Variants in JAKMIP1 observed in about 807,000 individuals in gnomAD.
JAKMIP1 encodes janus kinase and microtubule interacting protein 1.
A neutral mutation model predicts 113.0 loss-of-function variants in JAKMIP1; 33 were observed. The observed-to-expected ratio is 0.29, with a 90% confidence interval of 0.22 to 0.39. The LOEUF (loss-of-function observed/expected upper bound fraction) is 0.39, where lower values mean the gene tolerates loss of function less well. Ranked by LOEUF, JAKMIP1 falls within the 10% of genes least tolerant of loss-of-function variation. JAKMIP1 has a pLI of 1.00. For missense variants in JAKMIP1, 813 were observed against 1,080.5 expected, an observed-to-expected ratio of 0.75 and a Z score of 3.47; for synonymous variants, 480 against 459.9, an observed-to-expected ratio of 1.04 and a Z score of -0.56.
At position 6,193,296 on chromosome 4, in the gene JAKMIP1, C is replaced by T. The variant is rs1019775258; in HGVS notation, c.-148+6957G>A. Reference sequence around the variant, plus strand: ...TGAGGTTTTGGGATTCAGACTGATCCGCCACTGGTTTCTTTGCTCCTCAAC... The same window carrying T: ...TGAGGTTTTGGGATTCAGACTGATCTGCCACTGGTTTCTTTGCTCCTCAAC... On this transcript the variant is annotated intron_variant, in intron 1 of 20. Transcript: ENST00000409021. The surrounding 1 kb of genome is among the most constrained non-coding windows in gnomAD (Gnocchi z 6.4). Among the ~76,000 whole-genome samples the T allele has an allele frequency of 6.6e-6, 1 of 152,150 alleles. No homozygotes were observed. The highest frequency in any genetic ancestry group is 1.5e-5 in the Non-Finnish European group (1 of 68,046).
intron 9 of JAKMIP1, among the ~76,000 whole-genome samples, chr4:6,063,046 G>C (rs1443467139): frequency 6.6e-6 from 1 of 152,284 alleles, no homozygotes; most frequent in East Asian, 1.9e-4. Context: ...GGAGGCTGAG[G>C]CAGGAGAATT....
chr4:6,105,650 C>A lies in JAKMIP1; in HGVS notation c.447G>T (p.Leu149=), dbSNP rs1713797715. ...GCTCCAGGATCTCCTGCTGCAGCCGCAGGCGCTCTCCATCGAAGGCCCTGC... is the reference window on the plus strand; with the variant it reads ...GCTCCAGGATCTCCTGCTGCAGCCGAAGGCGCTCTCCATCGAAGGCCCTGC... The part of the protein sequence containing the change: ...EARRAFDGER[L]RLQQEILELK... Residue 149 remains leucine, a synonymous_variant, in exon 3 of 21, where the codon CTG becomes CTT. Transcript: ENST00000409021. 1 of 1,598,482 alleles carries A rather than the reference C, an allele frequency of 6.3e-7. No individual in the cohort carries two copies. Among genetic ancestry groups the A allele is most frequent in the African/African-American group, 1.3e-5 (1 of 74,836 alleles).
rs1722399316 is a variant in JAKMIP1, at chr4:6,157,511, T to G, written c.-148+42742A>C. Among the ~76,000 whole-genome samples, 1 of 152,222 alleles carries G rather than the reference T, an allele frequency of 6.6e-6. No homozygotes were observed. Among genetic ancestry groups the G allele is most frequent in the Non-Finnish European group, 1.5e-5 (1 of 68,050 alleles). ...TCAAATCAAACTTCAGCGTACACTT[T>G]CCGTAACACCTTTTTTGACTAAGAA... On this transcript the variant is annotated intron_variant, in intron 1 of 20. Coordinates refer to ENST00000409021, the MANE Select transcript of JAKMIP1 (RefSeq NM_001099433.2). This position sits in a 1 kb window ranked among gnomAD's most constrained non-coding sequence, Gnocchi z 4.7.
At chr4:6,114,796 G>T (rs368444601) in intron 1 of JAKMIP1, among the ~76,000 whole-genome samples, 18 of 152,252 alleles carry the variant, frequency 1.2e-4, no homozygotes, top group African/African-American at 3.6e-4. Context: ...CTGACCTGCC[G>T]CTTTTATAAC....
chr4:6,047,460 C>T (rs553498921), intron 16 of JAKMIP1, among the ~76,000 whole-genome samples: 1 of 152,218 alleles, frequency 6.6e-6, no homozygotes, highest in Non-Finnish European at 1.5e-5. Context: ...CCCGTGCCTG[C>T]ACCTGCACCT....
chr4:6,102,968 C>T (rs180922908), intron 3 of JAKMIP1, among the ~76,000 whole-genome samples: 103 of 151,840 alleles, frequency 6.8e-4, no homozygotes, highest in Non-Finnish European at 1.3e-3. Context: ...CTCCTAAACT[C>T]GTGATCTGCC....
chr4:6,032,090 G>T (rs552275249), intron 19 of JAKMIP1, among the ~76,000 whole-genome samples: 32 of 152,138 alleles, frequency 2.1e-4, no homozygotes, highest in Non-Finnish European at 4.6e-4. Context: ...CCCAAATGTA[G>T]CAGCTGTTGG....
At chr4:6,030,507 C>T (rs901685485) in intron 19 of JAKMIP1, among the ~76,000 whole-genome samples, 6 of 152,120 alleles carry the variant, frequency 3.9e-5, no homozygotes, top group African/African-American at 1.4e-4. Flanking sequence ...TCCCACACAG[C>T]GTCTCCACCG....
intron 1 of JAKMIP1, among the ~76,000 whole-genome samples, chr4:6,113,926 G>A (rs192280082): frequency 1.0e-4 from 15 of 149,312 alleles, no homozygotes; most frequent in Middle Eastern, 3.5e-3. Context: ...CGCCAGGTGC[G>A]TGAATGAATG....
chr4:6,043,468 C>G (rs1714606363), intron 16 of JAKMIP1, among the ~76,000 whole-genome samples: 1 of 152,030 alleles, frequency 6.6e-6, no homozygotes, highest in South Asian at 2.1e-4. Context: ...CCTCCCTACC[C>G]TCTCTGAAAT....
At position 6,065,412 on chromosome 4, in the gene JAKMIP1, C is replaced by T. The variant is rs1029151965; in HGVS notation, c.1303-404G>A. On this transcript the variant is annotated intron_variant, in intron 8 of 20. Coordinates refer to ENST00000409021, the MANE Select transcript of JAKMIP1 (RefSeq NM_001099433.2). This position sits in a 1 kb window ranked among gnomAD's most constrained non-coding sequence, Gnocchi z 5.1. ...GCACTCCGTCACGCTCCATGAGCAG[C>T]GCACTGGCTGTACCAAGGAGAAGGG... Among the ~76,000 whole-genome samples the T allele has an allele frequency of 9.2e-5, 14 of 152,208 alleles. No homozygotes were observed. The highest frequency in any genetic ancestry group is 2.1e-4 in the South Asian group (1 of 4,832).
chr4:6,159,473 A>G (rs1270542830), intron 1 of JAKMIP1, among the ~76,000 whole-genome samples: 1 of 152,022 alleles, frequency 6.6e-6, no homozygotes, highest in Non-Finnish European at 1.5e-5. Flanking sequence ...TAATAGATTA[A>G]GAGGTTTCAG....
rs1722295013 is a variant in JAKMIP1, at chr4:6,093,013, T to A, written c.625-7384A>T. Among the ~76,000 whole-genome samples, 2 of 152,250 alleles carry A rather than the reference T, an allele frequency of 1.3e-5. No homozygotes were observed. Among genetic ancestry groups the A allele is most frequent in the South Asian group, 4.1e-4 (2 of 4,836 alleles). ...TTGTATTTTACTGGGAATCCAAGTA[T>A]CACATATCATCATGGCTATTTTAGA... On this transcript the variant is annotated intron_variant, in intron 3 of 20. Transcript: ENST00000409021. The surrounding 1 kb of genome is among the most constrained non-coding windows in gnomAD (Gnocchi z 4.6).
chr4:6,088,085 G>A lies in JAKMIP1; in HGVS notation c.625-2456C>T, dbSNP rs896414619. Reference sequence around the variant, plus strand: ...GAGTTTATTCATTTAATTCACTCAAGCACGCTTTCATTAACTCAACACATG... The same window carrying A: ...GAGTTTATTCATTTAATTCACTCAAACACGCTTTCATTAACTCAACACATG... On this transcript the variant is annotated intron_variant, in intron 3 of 20. Transcript: ENST00000409021. This position sits in a 1 kb window ranked among gnomAD's most constrained non-coding sequence, Gnocchi z 5.5. 1.3e-5 allele frequency among the ~76,000 whole-genome samples: 2 copies of A among 152,188 alleles called. No homozygotes were observed. The highest frequency in any genetic ancestry group is 2.4e-5 in the African/African-American group (1 of 41,448).
rs1726281337 is a variant in JAKMIP1, at chr4:6,183,478, C to CAATAAATAAATAAAAAAATA, written c.-148+16774_-148+16775insTATTTTTTTATTTATTTATT. Among the ~76,000 whole-genome samples the CAATAAATAAATAAAAAAATA allele has an allele frequency of 7.9e-6, 1 of 126,672 alleles. No homozygotes were observed. The highest frequency in any genetic ancestry group is 2.9e-4 in the South Asian group (1 of 3,448). 83.1% of individuals were successfully genotyped at this position (126,672 alleles called of 152,430 possible). ...TGGGTGACAGAGCAAGACTCTGTCT[C>CAATAAATAAATAAAAAAATA]AATAAATAAATAAATAAATAAATAA... is the stretch of plus-strand genomic sequence containing the variant. On this transcript the variant is annotated intron_variant, in intron 1 of 20. Transcript: ENST00000409021. The surrounding 1 kb of genome is among the most constrained non-coding windows in gnomAD (Gnocchi z 5.3).
rs1335665251 is a variant in JAKMIP1 at position 6,135,586 on chromosome 4, A to T, written c.-147-22589T>A. ...AGGTCCAGCCTGGCCTAGCCTTGAT[A>T]AAAAAGCCATCGCATACACAGCATT... is the stretch of plus-strand genomic sequence containing the variant. On this transcript the variant is annotated intron_variant, in intron 1 of 20. Coordinates refer to ENST00000409021, the MANE Select transcript of JAKMIP1 (RefSeq NM_001099433.2). The surrounding 1 kb of genome is among the most constrained non-coding windows in gnomAD (Gnocchi z 4.9). Among the ~76,000 whole-genome samples the T allele has an allele frequency of 6.6e-6, 1 of 152,108 alleles. No individual in the cohort carries two copies. The highest frequency in any genetic ancestry group is 2.4e-5 in the African/African-American group (1 of 41,416).
intron 1 of JAKMIP1, among the ~76,000 whole-genome samples, chr4:6,195,894 T>G (rs2109068441): frequency 6.6e-6 from 1 of 152,346 alleles, no homozygotes; most frequent in East Asian, 1.9e-4. Flanking sequence ...CATACACAAA[T>G]GGGCGTGGCT....
intron 1 of JAKMIP1, among the ~76,000 whole-genome samples, chr4:6,149,358 A>T (rs143224537): frequency 0.021 from 3,251 of 152,326 alleles, 57 homozygotes; most frequent in Admixed American, 0.055. Context: ...CAAGCGGAGA[A>T]GAACTGCTTG....
chr4:6,200,266 A>T lies in JAKMIP1; in HGVS notation c.-161T>A, dbSNP rs1269942681. ...ACCTGTACCCACCTGCTCGGCGCTC[A>T]GGCCCGAGCCGGGCAGCAGCAGCGG... On this transcript the variant is annotated 5_prime_UTR_variant, in exon 1 of 21. Coordinates refer to ENST00000409021, the MANE Select transcript of JAKMIP1 (RefSeq NM_001099433.2). The surrounding 1 kb of genome is among the most constrained non-coding windows in gnomAD (Gnocchi z 7.0). 2.0e-5 allele frequency: 3 copies of T among 151,774 alleles called. No individual in the cohort carries two copies. The highest frequency in any genetic ancestry group is 7.3e-5 in the African/African-American group (3 of 41,192). The allele number at this position is 151,774 out of a possible 1,614,324, so 9.4% of individuals were successfully genotyped here.
Sources: gnomAD v4.1 joint callset for allele counts (sites outside exome capture counted in the v4.1 genomes callset) on GRCh38, gnomAD v4.1.1 for gene constraint, Gnocchi (gnomAD v3.1) non-coding constraint, MANE v1.5 for transcripts, NCBI Gene and HGNC (gene_info 2026-07-23, HGNC 2026-07-21) for gene names.